The following SOX5 variants were observed in gnomAD, a reference collection of about 807,000 sequenced individuals.
SOX5 encodes SRY-box transcription factor 5.
A neutral mutation model predicts 92.0 loss-of-function variants in SOX5; 9 were observed. The ratio of observed to expected loss-of-function variants is 0.10; its 90% CI spans 0.06 to 0.17. SOX5 has a LOEUF of 0.17. SOX5 is among the 10% of genes least tolerant of loss of function. SOX5 has a pLI of 1.00. For missense variants in SOX5, 642 were observed against 944.5 expected, an observed-to-expected ratio of 0.68 and a Z score of 4.20; for synonymous variants, 344 against 336.3, an observed-to-expected ratio of 1.02 and a Z score of -0.25.
At chr12:23,782,185 T>C (rs2095294305) in intron 3 of SOX5, among the ~76,000 whole-genome samples, 1 of 152,134 alleles carries the variant, frequency 6.6e-6, no homozygotes, top group Non-Finnish European at 1.5e-5. Flanking sequence ...TAAGTATTTA[T>C]GTCATATTGA....
At chr12:24,417,864 C>G (rs890635586) in intron 1 of SOX5, among the ~76,000 whole-genome samples, 3 of 152,100 alleles carry the variant, frequency 2.0e-5, no homozygotes, top group Admixed American at 2.0e-4. Context: ...ACAGCTGGAA[C>G]AAAATGTTCA....
chr12:24,311,063 A>G (rs763442530), intron 2 of SOX5, among the ~76,000 whole-genome samples: 1 of 152,232 alleles, frequency 6.6e-6, no homozygotes, highest in Non-Finnish European at 1.5e-5. Flanking sequence ...TGGTCATAAA[A>G]AAATTCCAAC....
intron 2 of SOX5, among the ~76,000 whole-genome samples, chr12:23,887,795 A>C (rs1291470503): frequency 2.6e-5 from 4 of 151,926 alleles, no homozygotes; most frequent in Non-Finnish European, 5.9e-5. Context: ...CCCTTTTTTT[A>C]ACTTTCTTTT....
At chr12:24,427,494 T>G (rs1255170666) in intron 1 of SOX5, among the ~76,000 whole-genome samples, 2 of 152,222 alleles carry the variant, frequency 1.3e-5, no homozygotes, top group African/African-American at 2.4e-5. Flanking sequence ...AGCTAAAAAT[T>G]AGATGGCTGA....
intron 4 of SOX5, among the ~76,000 whole-genome samples, chr12:24,012,613 C>T (rs937647692): frequency 1.4e-4 from 22 of 152,252 alleles, no homozygotes; most frequent in African/African-American, 5.3e-4. Flanking sequence ...TTGTACTTGT[C>T]ACCTATGGCT....
intron 11 of SOX5, among the ~76,000 whole-genome samples, chr12:23,558,279 T>C (rs1250567879): frequency 1.3e-5 from 2 of 152,196 alleles, no homozygotes; most frequent in African/African-American, 2.4e-5. Context: ...TAAAGTAGTC[T>C]CTTTTCCTTT....
At chr12:23,854,965 C>T (rs1396963855) in intron 2 of SOX5, among the ~76,000 whole-genome samples, 2 of 151,944 alleles carry the variant, frequency 1.3e-5, no homozygotes, top group East Asian at 1.9e-4. Context: ...ACAAATATTA[C>T]AAGAGCTATA....
At chr12:24,048,227 A>C (rs755134259) in intron 4 of SOX5, among the ~76,000 whole-genome samples, 7 of 152,196 alleles carry the variant, frequency 4.6e-5, no homozygotes, top group Non-Finnish European at 7.3e-5. Context: ...GAAATTTCAG[A>C]GATATTAAGT....
intron 6 of SOX5, among the ~76,000 whole-genome samples, chr12:23,721,042 A>T (rs2092786136): frequency 6.6e-6 from 1 of 151,986 alleles, no homozygotes; most frequent in South Asian, 2.1e-4. Context: ...GGACCGAATT[A>T]TCTCTAAAGT....
chr12:24,112,246 C>A (rs979247358), intron 4 of SOX5, among the ~76,000 whole-genome samples: 2 of 152,118 alleles, frequency 1.3e-5, no homozygotes, highest in Non-Finnish European at 2.9e-5. Context: ...AAACTATAGC[C>A]CATATGCCAA....
At chr12:23,547,038 C>G (rs563403500) in intron 11 of SOX5, among the ~76,000 whole-genome samples, 1 of 151,880 alleles carries the variant, frequency 6.6e-6, no homozygotes, top group Admixed American at 6.6e-5. Flanking sequence ...ATTGAGTTGG[C>G]GAATTATTTG....
At chr12:24,551,727 A>C (rs1953196650) in intron 1 of SOX5, among the ~76,000 whole-genome samples, 1 of 152,172 alleles carries the variant, frequency 6.6e-6, no homozygotes, top group African/African-American at 2.4e-5. Context: ...GTTTGTATAA[A>C]AGGCACTTTC....
intron 1 of SOX5, among the ~76,000 whole-genome samples, chr12:24,533,250 G>A (rs546826395): frequency 3.3e-5 from 5 of 152,232 alleles, no homozygotes; most frequent in African/African-American, 1.2e-4. Flanking sequence ...CAGACAAAAA[G>A]ATGCCAATTC....
intron 3 of SOX5, among the ~76,000 whole-genome samples, chr12:24,233,919 A>G (rs1963928964): frequency 1.3e-5 from 2 of 152,220 alleles, no homozygotes; most frequent in Non-Finnish European, 2.9e-5. Flanking sequence ...ATCTAGGAAA[A>G]TGTACTCAAA....
At chr12:24,146,578 G>C (rs1420952243) in intron 4 of SOX5, among the ~76,000 whole-genome samples, 1 of 151,696 alleles carries the variant, frequency 6.6e-6, no homozygotes, top group Non-Finnish European at 1.5e-5. Context: ...AGAAATTAAA[G>C]AGAGCAAACA....
intron 9 of SOX5, among the ~76,000 whole-genome samples, chr12:23,600,886 G>A (rs1592452620): frequency 6.6e-6 from 1 of 152,080 alleles, no homozygotes; most frequent in East Asian, 1.9e-4. Flanking sequence ...TAACACCACA[G>A]GCAGGTCAGG....
chr12:23,737,496 C>T (rs760518880), intron 5 of SOX5, among the ~76,000 whole-genome samples: 13 of 152,072 alleles, frequency 8.5e-5, no homozygotes, highest in East Asian at 1.9e-4. Flanking sequence ...GCCAAGATCA[C>T]GCCATTGCAC....
chr12:24,521,215 C>T lies in SOX5; in HGVS notation c.-251+41114G>A, dbSNP rs542998372. ...GATTACAGGCGTTTGCCACCACACC[C>T]GGATAATTTTTGTATTTTTAGTAGA... is the stretch of plus-strand genomic sequence containing the variant. On this transcript the variant is annotated intron_variant, in intron 1 of 4. Coordinates refer to the SOX5 transcript ENST00000446891. Among the ~76,000 whole-genome samples the T allele has an allele frequency of 1.1e-4, 17 of 151,984 alleles. No individual in the cohort carries two copies. The South Asian group carries it at 1.3e-3, about 11-fold the overall frequency.
intron 3 of SOX5, among the ~76,000 whole-genome samples, chr12:23,784,812 C>T (rs943746664): frequency 5.3e-5 from 8 of 152,162 alleles, no homozygotes; most frequent in African/African-American, 1.4e-4. Flanking sequence ...CGCAGTGGCT[C>T]ACACCTGTAA....
Sources: gnomAD v4.1 joint callset for allele counts (sites outside exome capture counted in the v4.1 genomes callset) on GRCh38, gnomAD v4.1.1 for gene constraint, MANE v1.5 for transcripts, NCBI Gene and HGNC (gene_info 2026-07-23, HGNC 2026-07-21) for gene names.